CACNA1E: variants seen among roughly 807,000 people sequenced by gnomAD.
CACNA1E encodes calcium voltage-gated channel subunit alpha1 E.
In CACNA1E, 40 loss-of-function variants were observed where a neutral mutation model predicts 259.2. The observed-to-expected ratio is 0.15, with a 90% confidence interval of 0.12 to 0.20. The LOEUF is 0.20. CACNA1E is among the 10% of genes least tolerant of loss of function. CACNA1E has a pLI of 1.00. For missense variants in CACNA1E, 1,874 were observed against 3,040.1 expected, an observed-to-expected ratio of 0.62 and a Z score of 9.02; for synonymous variants, 1,104 against 1,138.5, an observed-to-expected ratio of 0.97 and a Z score of 0.61.
At chr1:181,647,986 G>A (rs1658438819) in intron 6 of CACNA1E, among the ~76,000 whole-genome samples, 1 of 152,214 alleles carries the variant, frequency 6.6e-6, no homozygotes, top group African/African-American at 2.4e-5. Flanking sequence ...CTTTTAAGCT[G>A]TCAGTCATCT....
chr1:181,395,795 G>C (rs140286409), intron 1 of CACNA1E, among the ~76,000 whole-genome samples: 1 of 152,140 alleles, frequency 6.6e-6, no homozygotes, highest in Admixed American at 6.5e-5. Context: ...GTGTGATGTC[G>C]TGGAAGCCAG....
intron 35 of CACNA1E, among the ~76,000 whole-genome samples, chr1:181,769,349 T>C (rs1030821418): frequency 2.2e-4 from 24 of 110,974 alleles, no homozygotes; most frequent in Non-Finnish European, 4.7e-4. Context: ...AAGTGAAAAG[T>C]TGAAAAAAAA....
At chr1:181,441,982 G>T (rs1660502678) in intron 2 of CACNA1E, among the ~76,000 whole-genome samples, 1 of 152,148 alleles carries the variant, frequency 6.6e-6, no homozygotes, top group South Asian at 2.1e-4. Context: ...GCCAGAAGTT[G>T]CCAGGTCTAC....
At position 181,483,848 on chromosome 1, in the gene CACNA1E, A is replaced by T; in HGVS notation, c.104A>T (p.Gln35Leu). ...RQGTPVPASG[Q>L]AAAYKQTKAQ... Reference sequence around the variant, plus strand: ...GGAACCCCCGTGCCGGCCTCGGGGCAGGCGGCCGCCTACAAGCAGACGAAA... The same window carrying T: ...GGAACCCCCGTGCCGGCCTCGGGGCTGGCGGCCGCCTACAAGCAGACGAAA... Residue 35 changes from glutamine (Q) to leucine (L), a missense_variant, in exon 1 of 48, where the codon CAG (glutamine) becomes CTG (leucine). By Grantham distance (113) the Gln-to-Leu change is moderately radical. Around this residue, in one of 14 missense-constraint regions of CACNA1E, gnomAD observed 110 missense variants for 122.8 expected, o/e 0.90. Coordinates refer to ENST00000367573, the MANE Select transcript of CACNA1E (RefSeq NM_001205293.3). 6.2e-7 allele frequency: 1 copy of T among 1,613,636 alleles called. No individual in the cohort carries two copies.
chr1:181,642,371 A>G (rs1307752294), intron 6 of CACNA1E, among the ~76,000 whole-genome samples: 3 of 152,148 alleles, frequency 2.0e-5, no homozygotes, highest in Non-Finnish European at 2.9e-5. Flanking sequence ...GATGGCGACC[A>G]GAAGGACTGA....
At chr1:181,424,610 A>C (rs575646372) in intron 2 of CACNA1E, among the ~76,000 whole-genome samples, 1 of 152,382 alleles carries the variant, frequency 6.6e-6, no homozygotes, top group South Asian at 2.1e-4. Flanking sequence ...CATCTCTTGC[A>C]GAGAACGAAT....
intron 44 of CACNA1E, among the ~76,000 whole-genome samples, chr1:181,791,046 G>T (rs1661261941): frequency 6.6e-6 from 1 of 152,206 alleles, no homozygotes; most frequent in Admixed American, 6.5e-5. Context: ...CTGCCAGGAG[G>T]CACAGAAGAC....
At chr1:181,394,544 T>G (rs1172397990) in intron 1 of CACNA1E, among the ~76,000 whole-genome samples, 3 of 151,994 alleles carry the variant, frequency 2.0e-5, no homozygotes, top group African/African-American at 7.3e-5. Flanking sequence ...CAGGGAAAGA[T>G]AGACAATACA....
chr1:181,527,923 C>T (rs1043176692), intron 3 of CACNA1E, among the ~76,000 whole-genome samples: 2 of 146,556 alleles, frequency 1.4e-5, no homozygotes, highest in African/African-American at 5.1e-5. Context: ...ATTACTGTTT[C>T]TTCATTTTTC....
At chr1:181,630,603 C>T (rs1656635691) in intron 6 of CACNA1E, among the ~76,000 whole-genome samples, 2 of 152,056 alleles carry the variant, frequency 1.3e-5, no homozygotes, top group African/African-American at 2.4e-5. Context: ...ACACTCCAGG[C>T]ACCTCTCTTC....
At chr1:181,656,522 TC>T (rs1244723277) in intron 7 of CACNA1E, among the ~76,000 whole-genome samples, 4 of 152,090 alleles carry the variant, frequency 2.6e-5, no homozygotes, top group African/African-American at 9.7e-5. Context: ...TGCCAAAGAG[TC>T]TAAGTTAAAT....
chr1:181,457,953 G>A (rs879939723), intron 2 of CACNA1E, among the ~76,000 whole-genome samples: 4 of 152,232 alleles, frequency 2.6e-5, no homozygotes, highest in African/African-American at 4.8e-5. Flanking sequence ...CCTTGAGGCC[G>A]GGAGTGGGTG....
At chr1:181,595,581 C>A (rs1653078683) in intron 6 of CACNA1E, among the ~76,000 whole-genome samples, 1 of 152,198 alleles carries the variant, frequency 6.6e-6, no homozygotes. Flanking sequence ...GTGACAGGTT[C>A]TTTTTCCTTG....
chr1:181,362,905 G>A (rs1234769710), intron 1 of CACNA1E, among the ~76,000 whole-genome samples: 2 of 152,206 alleles, frequency 1.3e-5, no homozygotes, highest in African/African-American at 4.8e-5. Flanking sequence ...CCCTCCCTCT[G>A]GGAGTCCTCC....
chr1:181,447,486 G>A (rs1180782463), intron 2 of CACNA1E, among the ~76,000 whole-genome samples: 5 of 151,292 alleles, frequency 3.3e-5, no homozygotes, highest in African/African-American at 1.2e-4. Context: ...AGATATGATT[G>A]CACCTCTGTA....
At chr1:181,658,860 C>G (rs1659422159) in intron 7 of CACNA1E, among the ~76,000 whole-genome samples, 1 of 152,080 alleles carries the variant, frequency 6.6e-6, no homozygotes, top group Admixed American at 6.5e-5. Flanking sequence ...CATTCTGAAG[C>G]TCAGCACAGT....
At position 181,485,708 on chromosome 1, in the gene CACNA1E, T is replaced by C. The variant is rs1398892717; in HGVS notation, c.266+1698T>C. 2.6e-5 allele frequency among the ~76,000 whole-genome samples: 4 copies of C among 152,212 alleles called. No individual in the cohort carries two copies. Among genetic ancestry groups the C allele is most frequent in the Non-Finnish European group, 4.4e-5 (3 of 68,022 alleles). ...TGTGTGCTGCGGCTGCAAATATTCC[T>C]CTAGGCAGTCTACGGATTTCCCAGC... On this transcript the variant is annotated intron_variant, in intron 1 of 47. Coordinates refer to ENST00000367573, the MANE Select transcript of CACNA1E (RefSeq NM_001205293.3). This position sits in a 1 kb window ranked among gnomAD's most constrained non-coding sequence, Gnocchi z 4.2.
At chr1:181,781,080 A>G (rs966032828) in intron 38 of CACNA1E, among the ~76,000 whole-genome samples, 7 of 152,124 alleles carry the variant, frequency 4.6e-5, no homozygotes, top group Admixed American at 4.6e-4. Flanking sequence ...GGGAATGCTA[A>G]TCGAGGAGAA....
intron 2 of CACNA1E, among the ~76,000 whole-genome samples, chr1:181,473,376 G>C (rs902593338): frequency 2.0e-5 from 3 of 152,170 alleles, no homozygotes; most frequent in African/African-American, 7.2e-5. Context: ...CATACCCTTT[G>C]AATTTTGAGA....
Sources: allele counts gnomAD v4.1 joint callset (sites outside exome capture counted in the v4.1 genomes callset), GRCh38; gene constraint gnomAD v4.1.1; regional missense constraint gnomAD v4.1.1; non-coding constraint Gnocchi (gnomAD v3.1); transcripts MANE v1.5; gene names NCBI Gene and HGNC (gene_info 2026-07-23, HGNC 2026-07-21).